Variants in DCC observed in about 807,000 individuals in gnomAD.
DCC encodes the protein netrin receptor DCC.
Under a neutral mutation model 172.5 loss-of-function variants are expected in DCC, and 58 were observed. The observed-to-expected ratio is 0.34, with a 90% CI of 0.27 to 0.42. The LOEUF (loss-of-function observed/expected upper bound fraction) is 0.42. Ranked by LOEUF, DCC falls within the 10% of genes least tolerant of loss-of-function variation. The pLI is 1.00. For synonymous variants in DCC, 709 were observed against 644.5 expected, an observed-to-expected ratio of 1.10 and a Z score of -1.52; for missense variants, 1,740 against 1,791.0, an observed-to-expected ratio of 0.97 and a Z score of 0.51.
At chr18:53,155,572 A>G (rs1195173515) in intron 7 of DCC, among the ~76,000 whole-genome samples, 4 of 152,196 alleles carry the variant, frequency 2.6e-5, no homozygotes, top group African/African-American at 9.7e-5. Context: ...AATTCCCCCA[A>G]TTTGTGAAAA....
At chr18:52,852,683 G>A (rs1185653501) in intron 2 of DCC, among the ~76,000 whole-genome samples, 1 of 151,600 alleles carries the variant, frequency 6.6e-6, no homozygotes, top group African/African-American at 2.4e-5. Context: ...GAGACATCAG[G>A]TTATTATTTT....
intron 5 of DCC, among the ~76,000 whole-genome samples, chr18:52,980,452 C>T (rs2145603273): frequency 6.6e-6 from 1 of 152,058 alleles, no homozygotes; most frequent in South Asian, 2.1e-4. Context: ...TAATGATTTT[C>T]CCTCTTTTCT....
At chr18:53,160,441 C>T (rs954406677) in intron 8 of DCC, among the ~76,000 whole-genome samples, 2 of 152,200 alleles carry the variant, frequency 1.3e-5, no homozygotes, top group African/African-American at 4.8e-5. Context: ...GGCCAGTAAA[C>T]ACAGCAATTA....
At chr18:52,979,220 C>T (rs899531709) in intron 5 of DCC, among the ~76,000 whole-genome samples, 2 of 152,074 alleles carry the variant, frequency 1.3e-5, no homozygotes, top group Non-Finnish European at 2.9e-5. Context: ...GATGGAGGTA[C>T]AGGAGATTAG....
intron 2 of DCC, among the ~76,000 whole-genome samples, chr18:52,776,756 AAACT>A (rs1439805480): frequency 2.0e-5 from 3 of 152,232 alleles, no homozygotes; most frequent in Non-Finnish European, 2.9e-5. Flanking sequence ...ACTCCTCAAC[AAACT>A]AAGTGTAAAA....
intron 12 of DCC, among the ~76,000 whole-genome samples, chr18:53,290,146 A>G (rs1323637580): frequency 6.6e-6 from 1 of 152,160 alleles, no homozygotes; most frequent in Admixed American, 6.5e-5. Context: ...TAACTAGTAA[A>G]TCATACTATT....
chr18:53,474,638 G>A (rs929955600), intron 25 of DCC, among the ~76,000 whole-genome samples: 1 of 152,164 alleles, frequency 6.6e-6, no homozygotes, highest in African/African-American at 2.4e-5. Context: ...CTTCTGCCAT[G>A]ATTGTAAGGT....
intron 19 of DCC, among the ~76,000 whole-genome samples, chr18:53,408,070 C>A (rs1170992483): frequency 6.6e-6 from 1 of 152,144 alleles, no homozygotes; most frequent in Non-Finnish European, 1.5e-5. Flanking sequence ...TCATTGACAT[C>A]ACAACAAATG....
intron 9 of DCC, among the ~76,000 whole-genome samples, chr18:53,181,030 A>T (rs1210375117): frequency 6.6e-6 from 1 of 152,194 alleles, no homozygotes; most frequent in Non-Finnish European, 1.5e-5. Context: ...TTTTACATAT[A>T]TATAATACAC....
intron 1 of DCC, among the ~76,000 whole-genome samples, chr18:52,728,979 C>G (rs1234558017): frequency 6.6e-6 from 1 of 152,150 alleles, no homozygotes; most frequent in Non-Finnish European, 1.5e-5. Context: ...AAGCATGTAC[C>G]TCTAAGACCG....
chr18:53,298,699 G>A (rs2057098594), intron 12 of DCC, among the ~76,000 whole-genome samples: 1 of 151,982 alleles, frequency 6.6e-6, no homozygotes, highest in Admixed American at 6.6e-5. Context: ...AAAAACAGCT[G>A]TAGTCTTCAG....
chr18:53,441,382 A>G (rs1286575429), intron 22 of DCC, among the ~76,000 whole-genome samples: 1 of 152,112 alleles, frequency 6.6e-6, no homozygotes, highest in South Asian at 2.1e-4. Context: ...CTTTCCATGG[A>G]TCGGAATTCC....
chr18:52,583,770 C>T lies in DCC; in HGVS notation c.92-168284C>T, dbSNP rs1010393648. Among the ~76,000 whole-genome samples, 17 of 152,160 alleles carry T rather than the reference C, an allele frequency of 1.1e-4. No individual in the cohort carries two copies. In the East Asian group the frequency reaches 1.2e-3, roughly 10 times the overall value. On this transcript the variant is annotated intron_variant, in intron 1 of 28. Coordinates refer to ENST00000442544, the MANE Select transcript of DCC (RefSeq NM_005215.4). The stretch of plus-strand genomic sequence containing the variant: ...TTACAGATCTTCTCAGGTTTAACAA[C>T]GTAAAATATGACTTAGGTTAGGAAA...
chr18:53,000,585 CTTTTTTTTTT>C (rs71175543), intron 5 of DCC, among the ~76,000 whole-genome samples: 1 of 99,014 alleles, frequency 1.0e-5, no homozygotes, highest in Admixed American at 1.1e-4. Context: ...AGCTTACATT[CTTTTTTTTTT>C]TTTTTTTTTT....
At chr18:53,083,206 G>A (rs1353347469) in intron 7 of DCC, among the ~76,000 whole-genome samples, 4 of 152,062 alleles carry the variant, frequency 2.6e-5, no homozygotes, top group Non-Finnish European at 2.9e-5. Context: ...GTGACAATTG[G>A]TGTGCTAGAG....
chr18:53,076,931 C>T (rs1205372447), intron 7 of DCC, among the ~76,000 whole-genome samples: 2 of 152,146 alleles, frequency 1.3e-5, no homozygotes, highest in African/African-American at 2.4e-5. Flanking sequence ...AATGCATAGG[C>T]TCCATTCTTG....
At chr18:53,045,582 G>T (rs1051958350) in intron 5 of DCC, among the ~76,000 whole-genome samples, 5 of 151,762 alleles carry the variant, frequency 3.3e-5, no homozygotes, top group Admixed American at 6.6e-5. Context: ...TTTACAATAT[G>T]CAAGGTCCTC....
chr18:53,271,462 T>C (rs772349169), intron 12 of DCC, among the ~76,000 whole-genome samples: 3 of 152,160 alleles, frequency 2.0e-5, no homozygotes, highest in Non-Finnish European at 2.9e-5. Flanking sequence ...TCTCAAGTTA[T>C]GAATAGGAGC....
At chr18:53,193,777 A>G (rs1199019312) in intron 9 of DCC, among the ~76,000 whole-genome samples, 1 of 152,188 alleles carries the variant, frequency 6.6e-6, no homozygotes, top group Admixed American at 6.5e-5. Flanking sequence ...TACTCAAGGC[A>G]GTTCCTTATC....
Sources: allele counts gnomAD v4.1 joint callset (sites outside exome capture counted in the v4.1 genomes callset), GRCh38; gene constraint gnomAD v4.1.1; transcripts MANE v1.5; gene names NCBI Gene and HGNC (gene_info 2026-07-23, HGNC 2026-07-21).